RAPGEFL1: variants seen among roughly 807,000 people sequenced by gnomAD.
RAPGEFL1 encodes Rap guanine nucleotide exchange factor like 1.
RAPGEFL1 carries 31 observed loss-of-function variants against 64.4 expected under a neutral mutation model. That is an observed-to-expected ratio of 0.48 (90% CI 0.36 to 0.65). The LOEUF (loss-of-function observed/expected upper bound fraction) is 0.65. RAPGEFL1 is among the 30% of genes least tolerant of loss of function. The pLI is 0.00. For missense variants in RAPGEFL1, 682 were observed against 677.4 expected (o/e 1.01, Z -0.08); for synonymous variants, 331 against 274.1 (o/e 1.21, Z -2.05).
chr17:40,183,527 T>C (rs1989957634), intron 2 of RAPGEFL1, among the ~76,000 whole-genome samples: 1 of 150,456 alleles, frequency 6.6e-6, no homozygotes, highest in African/African-American at 2.4e-5. Flanking sequence ...TCTTTTTTTT[T>C]TTTTTTTTTG....
chr17:40,182,547 C>T (rs2145204257), intron 2 of RAPGEFL1, among the ~76,000 whole-genome samples: 1 of 152,348 alleles, frequency 6.6e-6, no homozygotes, highest in East Asian at 1.9e-4. Context: ...CTCCTGACCT[C>T]AAGTGATTCG....
At position 40,177,612 on chromosome 17, in the gene RAPGEFL1, C is replaced by T. The variant is rs570203166; in HGVS notation, c.-250C>T. 9.9e-4 allele frequency: 387 copies of T among 389,912 alleles called. 6 individuals are homozygous for T. The East Asian group carries it at 0.015, about 15-fold the overall frequency. The allele number at this position is 389,912 out of a possible 1,614,324, so 24.2% of individuals were successfully genotyped here. A position where few individuals can be genotyped will look rare whatever the true frequency, so the allele number is the denominator to read the frequency against. ...CCCGCAGCCTGCCCACTCTTCGGGC[C>T]GCGTGCCGGCTGCAGCCGGCATGGG... On this transcript the variant is annotated 5_prime_UTR_variant, in exon 1 of 15. Coordinates refer to ENST00000620260, the MANE Select transcript of RAPGEFL1 (RefSeq NM_016339.6).
Position 40,191,902 on chromosome 17 carries a change from G to C in RAPGEFL1, c.1605+230G>C, listed in dbSNP as rs1990288010. On this transcript the variant is annotated intron_variant, in intron 10 of 14. Transcript: ENST00000620260. This position sits in a 1 kb window ranked among gnomAD's most constrained non-coding sequence, Gnocchi z 5.1. ...GCCTGAGTCACGGCAGGCAGCCCTTGGCCAGGTCAGGTCGCAGACTTGGCT... is the reference window on the plus strand; with the variant it reads ...GCCTGAGTCACGGCAGGCAGCCCTTCGCCAGGTCAGGTCGCAGACTTGGCT... Among the ~76,000 whole-genome samples the C allele has an allele frequency of 6.6e-6, 1 of 152,234 alleles. No homozygotes were observed. Among genetic ancestry groups the C allele is most frequent in the Admixed American group, 6.5e-5 (1 of 15,280 alleles).
At chr17:40,192,513 G>A in intron 11 of RAPGEFL1, 93 bp from the exon 12 acceptor site, 1 of 1,130,188 alleles carries the variant, frequency 8.8e-7, no homozygotes, top group Non-Finnish European at 1.3e-6. Flanking sequence ...GATCAGGAAT[G>A]TATACAAGGC....
chr17:40,188,492 G>A (rs911814042), intron 4 of RAPGEFL1: 1 of 293,184 alleles, frequency 3.4e-6, no homozygotes, highest in Admixed American at 4.8e-5. Flanking sequence ...AGTGTGTTAG[G>A]CCCTGGTGGA....
Position 40,184,675 on chromosome 17 carries a change from T to G in RAPGEFL1, c.830T>G (p.Leu277Arg). ...RLHQLVETVELKIPEENQPPS... is the reference protein window; with the variant it reads ...RLHQLVETVERKIPEENQPPS... ...CACCAGCTGGTGGAGACGGTGGAAC[T>G]AAAGTGAGGGGGAGTGGGGCAGGGG... Residue 277 changes from leucine to arginine, a missense_variant, in exon 4 of 15, where the codon CTA becomes CGA. Coordinates refer to ENST00000620260, the MANE Select transcript of RAPGEFL1 (RefSeq NM_016339.6). The G allele has an allele frequency of 6.4e-7, 1 of 1,563,204 alleles. No homozygotes were observed. The highest frequency in any genetic ancestry group is 8.8e-7 in the Non-Finnish European group (1 of 1,142,494).
intron 6 of RAPGEFL1, among the ~76,000 whole-genome samples, 181 bp from the exon 7 acceptor site, chr17:40,190,253 A>G (rs562678525): frequency 2.4e-4 from 36 of 152,356 alleles, no homozygotes; most frequent in African/African-American, 8.7e-4. Context: ...TATAAATGCA[A>G]AAGAAATAAT....
chr17:40,192,483 A>G (rs1411897370), intron 11 of RAPGEFL1, 123 bp from the exon 12 acceptor site: 3 of 965,840 alleles, frequency 3.1e-6, no homozygotes, highest in Non-Finnish European at 4.8e-6. Context: ...ACCATTAGAA[A>G]GCCCCCAGCA....
intron 4 of RAPGEFL1, among the ~76,000 whole-genome samples, chr17:40,185,019 G>C (rs1220204631): frequency 2.0e-5 from 3 of 151,998 alleles, no homozygotes; most frequent in Non-Finnish European, 4.4e-5. Flanking sequence ...CAAGTGATCT[G>C]CCTGCCTCAG....
intron 6 of RAPGEFL1, 54 bp downstream of exon 6, chr17:40,189,429 C>G: frequency 6.3e-7 from 1 of 1,590,538 alleles, no homozygotes; most frequent in South Asian, 1.1e-5. Flanking sequence ...CTCACAAGCT[C>G]AGGGCTCTGG....
intron 14 of RAPGEFL1, 64 bp downstream of exon 14, chr17:40,193,481 G>A: frequency 6.3e-7 from 1 of 1,591,610 alleles, no homozygotes; most frequent in South Asian, 1.1e-5. Context: ...GGGTTCAGGG[G>A]AGAACTCCCT....
In RAPGEFL1 at chr17:40,178,342, C is replaced by T. The variant is rs1437483622; in HGVS notation, c.481C>T (p.Arg161Trp). Residue 161 changes from arginine to tryptophan, a missense_variant, in exon 1 of 15, where the codon CGG becomes TGG. Physicochemically the swap from Arg to Trp is moderately radical, Grantham distance 101. Around this residue, in one of 2 missense-constraint regions of RAPGEFL1, gnomAD observed 271 missense variants for 158.0 expected, o/e 1.72. Coordinates refer to ENST00000620260, the MANE Select transcript of RAPGEFL1 (RefSeq NM_016339.6). ...GCATCTTCTGAACCGGGTTCTGGAG[C>T]GGCTTGCTGGAGGGGCTACCAGGGA... is the stretch of plus-strand genomic sequence containing the variant. ...PEHLLNRVLERLAGGATRDSA... is the reference protein window; with the variant it reads ...PEHLLNRVLEWLAGGATRDSA... 5.3e-6 allele frequency: 3 copies of T among 563,330 alleles called. No individual in the cohort carries two copies. Among genetic ancestry groups the T allele is most frequent in the Non-Finnish European group, 9.6e-6 (3 of 312,548 alleles). The allele number at this position is 563,330 out of a possible 1,614,324, so 34.9% of individuals were successfully genotyped here.
At chr17:40,182,581 TG>T in intron 2 of RAPGEFL1, among the ~76,000 whole-genome samples, 1 of 152,352 alleles carries the variant, frequency 6.6e-6, no homozygotes, top group Middle Eastern at 3.4e-3. Flanking sequence ...CCCAGAGTGC[TG>T]GGATTAAAGG....
At chr17:40,189,175 T>C (rs754432918) in intron 5 of RAPGEFL1, 33 bp from the exon 6 acceptor site, 2 of 1,608,906 alleles carry the variant, frequency 1.2e-6, no homozygotes, top group Non-Finnish European at 1.7e-6. Context: ...CACTCTGCCC[T>C]CTGTTGAAAG....
At chr17:40,189,717 G>A (rs550699227) in intron 6 of RAPGEFL1, among the ~76,000 whole-genome samples, 2 of 152,270 alleles carry the variant, frequency 1.3e-5, no homozygotes, top group Admixed American at 6.5e-5. Context: ...CAGCATCTGC[G>A]ACCCCACCCC....
chr17:40,181,416 G>C, intron 1 of RAPGEFL1, 200 bp from the exon 2 acceptor site: 1 of 602,072 alleles, frequency 1.7e-6, no homozygotes, highest in Non-Finnish European at 3.1e-6. Context: ...GGCAGCTGCC[G>C]AACCCACCCT....
At position 40,184,005 on chromosome 17, in the gene RAPGEFL1, G is replaced by A. The variant is rs185827655; in HGVS notation, c.600-209G>A. ...ATTACAGGTGCACACCACCATGCCC[G>A]TCTAATTTTTGTATTTTTAGTAGAG... On this transcript the variant is annotated intron_variant, in intron 2 of 14. Transcript: ENST00000620260. Among the ~76,000 whole-genome samples, 356 of 151,826 alleles carry A rather than the reference G, an allele frequency of 2.3e-3. 3 individuals are homozygous for A. The highest frequency in any genetic ancestry group is 3.7e-3 in the Non-Finnish European group (249 of 67,940).
rs775858962 is a variant in RAPGEFL1, at chr17:40,190,416, C to A, written c.1115-18C>A. The A allele has an allele frequency of 1.1e-5, 17 of 1,611,634 alleles. No individual in the cohort carries two copies. The highest frequency in any genetic ancestry group is 1.4e-5 in the Non-Finnish European group (16 of 1,177,832). On this transcript the variant is annotated intron_variant, in intron 6 of 14. Coordinates refer to ENST00000620260, the MANE Select transcript of RAPGEFL1 (RefSeq NM_016339.6). ...GCAGGCGGCAGGGGCCGAGGATGAG[C>A]AGCTCTTTCTCCTGCAGAGAAGGTC... is the stretch of plus-strand genomic sequence containing the variant.
At chr17:40,192,420 C>T (rs542714314) in intron 11 of RAPGEFL1, among the ~76,000 whole-genome samples, 157 bp downstream of exon 11, 56 of 152,090 alleles carry the variant, frequency 3.7e-4, no homozygotes, top group Non-Finnish European at 5.4e-4. Context: ...GGAAGGATTG[C>T]GCCCCTGTTT....
Sources: gnomAD v4.1 joint callset for allele counts (sites outside exome capture counted in the v4.1 genomes callset) on GRCh38, gnomAD v4.1.1 for gene constraint, gnomAD v4.1.1 regional missense constraint, Gnocchi (gnomAD v3.1) non-coding constraint, MANE v1.5 for transcripts, NCBI Gene and HGNC (gene_info 2026-07-23, HGNC 2026-07-21) for gene names.